The following ASTN2 variants were observed in gnomAD, a reference collection of about 807,000 sequenced individuals.
The protein encoded by ASTN2 is astrotactin-2.
In ASTN2, 54 loss-of-function variants were observed where a neutral mutation model predicts 139.8. That is an observed-to-expected ratio of 0.39 (90% CI 0.31 to 0.48). The LOEUF (loss-of-function observed/expected upper bound fraction) is 0.48, where lower values mean the gene tolerates loss of function less well. Ranked by LOEUF, ASTN2 falls within the 20% of genes least tolerant of loss-of-function variation. The pLI is 0.95. For missense variants in ASTN2, 1,565 were observed against 1,725.1 expected, an observed-to-expected ratio of 0.91 and a Z score of 1.64; for synonymous variants, 756 against 719.5, an observed-to-expected ratio of 1.05 and a Z score of -0.81.
intron 5 of ASTN2, among the ~76,000 whole-genome samples, chr9:117,044,187 CA>C (rs1419067863): frequency 1.3e-5 from 2 of 152,158 alleles, no homozygotes; most frequent in African/African-American, 4.8e-5. Flanking sequence ...ATTTGTCCAA[CA>C]CATTCTCAGA....
At chr9:117,186,558 T>TAAATA (rs1554788360) in intron 3 of ASTN2, among the ~76,000 whole-genome samples, 6 of 151,042 alleles carry the variant, frequency 4.0e-5, no homozygotes, top group East Asian at 3.9e-4. Flanking sequence ...AAAAAATAAA[T>TAAATA]AAATAAAATA....
At chr9:116,938,222 C>T (rs570746693) in intron 10 of ASTN2, among the ~76,000 whole-genome samples, 7 of 149,198 alleles carry the variant, frequency 4.7e-5, no homozygotes, top group South Asian at 4.4e-4. Flanking sequence ...TTATGCATGC[C>T]GCCTCATGTC....
intron 20 of ASTN2, among the ~76,000 whole-genome samples, chr9:116,466,023 C>T (rs1225593096): frequency 6.6e-6 from 1 of 152,162 alleles, no homozygotes; most frequent in Non-Finnish European, 1.5e-5. Context: ...TGACACCTAT[C>T]AATTTATACT....
intron 20 of ASTN2, among the ~76,000 whole-genome samples, chr9:116,471,756 T>C (rs2119012164): frequency 6.6e-6 from 1 of 152,318 alleles, no homozygotes; most frequent in African/African-American, 2.4e-5. Flanking sequence ...ACATACACTC[T>C]GAAGAAGAAT....
intron 16 of ASTN2, among the ~76,000 whole-genome samples, chr9:116,723,685 C>T (rs1828536663): frequency 6.6e-6 from 1 of 152,190 alleles, no homozygotes; most frequent in African/African-American, 2.4e-5. Flanking sequence ...TCCCTAGCAT[C>T]ACTCCCAAAT....
At chr9:116,982,716 C>T (rs1836545951) in intron 7 of ASTN2, among the ~76,000 whole-genome samples, 3 of 152,070 alleles carry the variant, frequency 2.0e-5, no homozygotes, top group Admixed American at 1.3e-4. Context: ...TAGGCACGTG[C>T]CATCATTCCC....
chr9:116,948,194 T>C (rs1835451168), intron 10 of ASTN2, among the ~76,000 whole-genome samples: 1 of 152,216 alleles, frequency 6.6e-6, no homozygotes, highest in African/African-American at 2.4e-5. Flanking sequence ...CAGTCTTCCC[T>C]ACTGTAAAGT....
rs372122553 is a variant in ASTN2 at position 117,205,059 on chromosome 9, T to C, written c.1015+9299A>G. On this transcript the variant is annotated intron_variant, in intron 3 of 22. Transcript: ENST00000313400. ...AGAGAAATAAAATAAATGCAGACTG[T>C]CCTTGTTGTAAGATGAGAAATCACA... Among the ~76,000 whole-genome samples the C allele has an allele frequency of 9.1e-4, 138 of 152,326 alleles. 2 individuals carry two copies. The South Asian group carries it at 0.028, about 30-fold the overall frequency.
chr9:117,378,368 T>C (rs950715781), intron 1 of ASTN2, among the ~76,000 whole-genome samples: 1 of 152,178 alleles, frequency 6.6e-6, no homozygotes, highest in African/African-American at 2.4e-5. Context: ...GGGAACTTTA[T>C]ATGACACAAT....
At position 116,669,932 on chromosome 9, in the gene ASTN2, G is replaced by A. The variant is rs1011249202; in HGVS notation, c.2807-18139C>T. 4.0e-5 allele frequency among the ~76,000 whole-genome samples: 6 copies of A among 151,766 alleles called. No homozygotes were observed. The South Asian group carries it at 8.3e-4, about 21-fold the overall frequency. On this transcript the variant is annotated intron_variant, in intron 16 of 22. Transcript: ENST00000313400. ...GCAATTCTCTGCCTCAGCCTCCCAC[G>A]TAGCTGGGATTACAGGCACGTGCCA...
At chr9:117,403,558 G>A (rs1048345449) in intron 1 of ASTN2, among the ~76,000 whole-genome samples, 11 of 139,412 alleles carry the variant, frequency 7.9e-5, no homozygotes, top group East Asian at 4.2e-4. Flanking sequence ...TCCCTCCTCC[G>A]CCCTCAGCCA....
At chr9:116,920,138 T>C (rs947656974) in intron 10 of ASTN2, among the ~76,000 whole-genome samples, 5 of 152,196 alleles carry the variant, frequency 3.3e-5, no homozygotes, top group Admixed American at 2.6e-4. Context: ...CTAAAGATGG[T>C]CTGAGCTCTA....
At chr9:116,625,682 AC>A (rs910439142) in intron 17 of ASTN2, among the ~76,000 whole-genome samples, 8 of 149,676 alleles carry the variant, frequency 5.3e-5, no homozygotes, top group African/African-American at 2.0e-4. Context: ...TCCCATCTCA[AC>A]CCCCCTGCAC....
chr9:117,279,675 G>C (rs913513988), intron 2 of ASTN2, among the ~76,000 whole-genome samples: 1 of 152,140 alleles, frequency 6.6e-6, no homozygotes, highest in African/African-American at 2.4e-5. Flanking sequence ...TTAGGAGAGA[G>C]CTCTTGTGTA....
intron 19 of ASTN2, chr9:116,568,978 A>G (rs570295728): frequency 6.6e-6 from 1 of 152,290 alleles, no homozygotes; most frequent in Non-Finnish European, 1.5e-5. Context: ...CCAACCCTGA[A>G]AGAAAAATGA....
At chr9:117,179,082 G>T (rs1830990599) in intron 3 of ASTN2, among the ~76,000 whole-genome samples, 1 of 152,120 alleles carries the variant, frequency 6.6e-6, no homozygotes, top group Admixed American at 6.6e-5. Context: ...CACACCATTA[G>T]CTCATTTCTT....
At chr9:116,977,994 C>A (rs977100020) in intron 7 of ASTN2, among the ~76,000 whole-genome samples, 1 of 152,022 alleles carries the variant, frequency 6.6e-6, no homozygotes, top group Non-Finnish European at 1.5e-5. Context: ...CGGGATTACA[C>A]GTGTGAGCCA....
intron 17 of ASTN2, among the ~76,000 whole-genome samples, chr9:116,634,723 T>C (rs964833808): frequency 6.6e-6 from 1 of 152,208 alleles, no homozygotes; most frequent in Non-Finnish European, 1.5e-5. Context: ...TTTGTAATAT[T>C]TTCTATTGAG....
chr9:116,685,291 T>C (rs1056635391), intron 16 of ASTN2, among the ~76,000 whole-genome samples: 1 of 152,206 alleles, frequency 6.6e-6, no homozygotes. Flanking sequence ...ACAGCGCTCC[T>C]GGCTCACTGG....
Sources: allele counts gnomAD v4.1 joint callset (sites outside exome capture counted in the v4.1 genomes callset), GRCh38; gene constraint gnomAD v4.1.1; transcripts MANE v1.5; gene names NCBI Gene and HGNC (gene_info 2026-07-23, HGNC 2026-07-21).